The following SLC9A9 variants were observed in gnomAD, a reference collection of about 807,000 sequenced individuals.
SLC9A9 encodes sodium/hydrogen exchanger 9.
A neutral mutation model predicts 77.8 loss-of-function variants in SLC9A9; 62 were observed. The ratio of observed to expected loss-of-function variants is 0.80; its 90% CI spans 0.65 to 0.98. The LOEUF is 0.98. Among genes scored for constraint, SLC9A9 ranks in the 50% least tolerant of loss-of-function variants. SLC9A9 has a pLI of 0.00. For synonymous variants in SLC9A9, 320 were observed against 283.5 expected, an observed-to-expected ratio of 1.13 and a Z score of -1.29; for missense variants, 775 against 774.9, an observed-to-expected ratio of 1.00 and a Z score of 0.00.
At chr3:143,377,878 G>A (rs2033217123) in intron 13 of SLC9A9, among the ~76,000 whole-genome samples, 1 of 152,184 alleles carries the variant, frequency 6.6e-6, no homozygotes, top group Non-Finnish European at 1.5e-5. Context: ...CTCCCACCTT[G>A]CTTACTCAGC....
intron 9 of SLC9A9, among the ~76,000 whole-genome samples, chr3:143,524,758 A>G (rs1408731605): frequency 1.3e-5 from 2 of 152,214 alleles, no homozygotes; most frequent in African/African-American, 4.8e-5. Context: ...GTTGAAAGGT[A>G]GTGACTTTAC....
chr3:143,761,571 A>T lies in SLC9A9; in HGVS notation c.533+33430T>A, dbSNP rs529998178. Among the ~76,000 whole-genome samples the T allele has an allele frequency of 1.0e-3, 154 of 152,346 alleles. 1 individual carries two copies. Among genetic ancestry groups the T allele is most frequent in the Middle Eastern group, 3.4e-3 (1 of 294 alleles). ...ACTTCTCAAAAGAAGACATTTATGC[A>T]GCCAACAGACATGAAAAAATCTTCA... On this transcript the variant is annotated intron_variant, in intron 4 of 15. Coordinates refer to ENST00000316549, the MANE Select transcript of SLC9A9 (RefSeq NM_173653.4).
At chr3:143,308,360 A>G (rs1170556511) in intron 14 of SLC9A9, among the ~76,000 whole-genome samples, 2 of 152,124 alleles carry the variant, frequency 1.3e-5, no homozygotes, top group African/African-American at 4.8e-5. Context: ...GCGGATCACG[A>G]GGCCAGGAGA....
intron 12 of SLC9A9, among the ~76,000 whole-genome samples, chr3:143,426,685 T>C (rs1344438394): frequency 2.0e-5 from 3 of 152,218 alleles, no homozygotes; most frequent in East Asian, 1.9e-4. Context: ...CCCAGTGCCA[T>C]GTTGGAAAAA....
At chr3:143,796,376 T>A (rs2108859260) in intron 3 of SLC9A9, among the ~76,000 whole-genome samples, 1 of 152,352 alleles carries the variant, frequency 6.6e-6, no homozygotes, top group African/African-American at 2.4e-5. Flanking sequence ...GCCACATATT[T>A]AAAAAATTTT....
chr3:143,345,344 G>A (rs1425778331), intron 14 of SLC9A9, among the ~76,000 whole-genome samples: 1 of 152,132 alleles, frequency 6.6e-6, no homozygotes, highest in Non-Finnish European at 1.5e-5. Context: ...GGCCAGAAAA[G>A]TAGGGGGAAA....
chr3:143,644,245 T>G (rs573201857), intron 6 of SLC9A9, among the ~76,000 whole-genome samples: 18 of 152,340 alleles, frequency 1.2e-4, no homozygotes, highest in Admixed American at 3.3e-4. Flanking sequence ...TGCATCTGAC[T>G]TATATACCAA....
At chr3:143,426,602 T>A (rs1384274558) in intron 12 of SLC9A9, among the ~76,000 whole-genome samples, 2 of 152,228 alleles carry the variant, frequency 1.3e-5, no homozygotes, top group Non-Finnish European at 2.9e-5. Context: ...TCTTAATGTT[T>A]TTCAAATATA....
chr3:143,555,395 A>T (rs2036963378), intron 8 of SLC9A9, among the ~76,000 whole-genome samples: 1 of 152,220 alleles, frequency 6.6e-6, no homozygotes, highest in Non-Finnish European at 1.5e-5. Context: ...AACACAAGGC[A>T]AAGCTCATTG....
chr3:143,297,399 T>C (rs1204251154), intron 14 of SLC9A9, among the ~76,000 whole-genome samples: 3 of 152,250 alleles, frequency 2.0e-5, no homozygotes, highest in Non-Finnish European at 2.9e-5. Context: ...TTTGTTTGTC[T>C]ATTTTTATGC....
intron 12 of SLC9A9, among the ~76,000 whole-genome samples, chr3:143,396,485 C>A (rs1846960): frequency 6.6e-6 from 1 of 152,034 alleles, no homozygotes; most frequent in Non-Finnish European, 1.5e-5. Context: ...GGAGATATAC[C>A]TAATGTAAAT....
intron 14 of SLC9A9, 100 bp from the exon 15 acceptor site, chr3:143,269,080 T>A: frequency 3.5e-6 from 3 of 859,306 alleles, no homozygotes; most frequent in East Asian, 2.6e-5. Flanking sequence ...CGTTTGCCTT[T>A]AAATCCCCTA....
chr3:143,535,441 T>C (rs1323047333), intron 9 of SLC9A9, among the ~76,000 whole-genome samples: 1 of 152,208 alleles, frequency 6.6e-6, no homozygotes, highest in African/African-American at 2.4e-5. Flanking sequence ...TTGAACATTA[T>C]CAGTAAATTT....
chr3:143,397,488 C>A lies in SLC9A9; in HGVS notation c.1470-15374G>T, dbSNP rs539388854. The stretch of plus-strand genomic sequence containing the variant: ...ACCATAAATGGTTGAAAAACAAATC[C>A]CAGACTCTCAGGGGTCTGAGCGAGA... On this transcript the variant is annotated intron_variant, in intron 12 of 15. Transcript: ENST00000316549. Among the ~76,000 whole-genome samples, 7 of 152,224 alleles carry A rather than the reference C, an allele frequency of 4.6e-5. No homozygotes were observed. The South Asian group carries it at 1.5e-3, about 32-fold the overall frequency.
intron 14 of SLC9A9, chr3:143,347,018 AATTTTCT>A (rs2032300133): frequency 6.6e-6 from 1 of 152,178 alleles, no homozygotes; most frequent in Non-Finnish European, 1.5e-5. Flanking sequence ...AAGGAAATAG[AATTTTCT>A]ATTTTCTCCT....
chr3:143,382,705 T>C (rs2033336009), intron 12 of SLC9A9, among the ~76,000 whole-genome samples: 1 of 152,172 alleles, frequency 6.6e-6, no homozygotes, highest in South Asian at 2.1e-4. Context: ...AAATTACATA[T>C]GTTTTTAAAG....
At chr3:143,453,648 A>G (rs1266675442) in intron 12 of SLC9A9, among the ~76,000 whole-genome samples, 1 of 152,188 alleles carries the variant, frequency 6.6e-6, no homozygotes, top group African/African-American at 2.4e-5. Flanking sequence ...ATAAGTTAAA[A>G]TAGGATTATT....
intron 12 of SLC9A9, among the ~76,000 whole-genome samples, chr3:143,435,149 T>G (rs2034597221): frequency 6.6e-6 from 1 of 151,974 alleles, no homozygotes; most frequent in South Asian, 2.1e-4. Flanking sequence ...TTTTATAAAA[T>G]ATTATCTAAT....
At chr3:143,396,835 A>G (rs1345056234) in intron 12 of SLC9A9, among the ~76,000 whole-genome samples, 1 of 152,040 alleles carries the variant, frequency 6.6e-6, no homozygotes, top group Non-Finnish European at 1.5e-5. Flanking sequence ...TTTATGATGG[A>G]GGTTTTGGAC....
Sources: allele counts gnomAD v4.1 joint callset (sites outside exome capture counted in the v4.1 genomes callset), GRCh38; gene constraint gnomAD v4.1.1; transcripts MANE v1.5; gene names NCBI Gene and HGNC (gene_info 2026-07-23, HGNC 2026-07-21).